The following TOPAZ1 variants were observed in gnomAD, a reference collection of about 807,000 sequenced individuals.
TOPAZ1 encodes the protein testis and ovary specific TOPAZ 1.
In TOPAZ1, 66 loss-of-function variants were observed where a neutral mutation model predicts 172.2. That is an observed-to-expected ratio of 0.38 (90% CI 0.31 to 0.47). The LOEUF is 0.47. Among genes scored for constraint, TOPAZ1 ranks in the 20% least tolerant of loss-of-function variants. The pLI, the probability that TOPAZ1 is intolerant of heterozygous loss-of-function variation, is 0.99. For missense variants in TOPAZ1, 1,822 were observed against 1,972.4 expected (o/e 0.92, Z 1.44); for synonymous variants, 681 against 683.9 (o/e 1.00, Z 0.07).
intron 12 of TOPAZ1, among the ~76,000 whole-genome samples, chr3:44,299,132 A>G (rs1700239431): frequency 6.6e-6 from 1 of 151,038 alleles, no homozygotes; most frequent in South Asian, 2.1e-4. Flanking sequence ...CATGTTGGCC[A>G]GGCTGATCTC....
In TOPAZ1 at chr3:44,321,067, T is replaced by C. The variant is rs1338089605; in HGVS notation, c.4347T>C (p.Asp1449=). Residue 1449 remains aspartate (D), a synonymous_variant, in exon 17 of 20, where the codon GAT becomes GAC. Transcript: ENST00000309765. ...TCAATACGCCTCTGTGGCCTTGTGA[T>C]AGACTGGATGTGCTTAATCGACATA... ...WIINTPLWPC[D]RLDVLNRHNL... 2 of 1,550,102 alleles carry C rather than the reference T, an allele frequency of 1.3e-6. No homozygotes were observed. Among genetic ancestry groups the C allele is most frequent in the Admixed American group, 2.0e-5 (1 of 50,594 alleles).
chr3:44,323,625 GT>G (rs1700566139), intron 18 of TOPAZ1, among the ~76,000 whole-genome samples: 1 of 152,210 alleles, frequency 6.6e-6, no homozygotes, highest in Admixed American at 6.5e-5. Flanking sequence ...AAACAAGTGG[GT>G]AGAATGAAGT....
At chr3:44,249,529 A>T (rs1699605208) in intron 2 of TOPAZ1, among the ~76,000 whole-genome samples, 1 of 152,142 alleles carries the variant, frequency 6.6e-6, no homozygotes, top group Non-Finnish European at 1.5e-5. Flanking sequence ...CAGAGGTAGA[A>T]TCCCTTATGC....
In TOPAZ1 at chr3:44,245,276, G is replaced by C; in HGVS notation, c.2765+5G>C. 2 of 1,519,060 alleles carry C rather than the reference G, an allele frequency of 1.3e-6. No homozygotes were observed. Among genetic ancestry groups the C allele is most frequent in the Non-Finnish European group, 1.8e-6 (2 of 1,134,408 alleles). The allele number at this position is 1,519,060 out of a possible 1,614,324, so 94.1% of individuals were successfully genotyped here. ...AGAACCAAGTGATGACTTAAGGTAT[G>C]CATGTTCAAGTATTCCTTTTAGTGC... On this transcript the variant is annotated splice_donor_5th_base_variant and intron_variant, in intron 2 of 19. Transcript: ENST00000309765.
chr3:44,264,993 CT>C lies in TOPAZ1; in HGVS notation c.3021-2003del, dbSNP rs55990885. Among the ~76,000 whole-genome samples, 586 of 152,342 alleles carry C rather than the reference CT, an allele frequency of 3.8e-3. 2 individuals carry two copies. Among genetic ancestry groups the C allele is most frequent in the South Asian group, 0.013 (63 of 4,828 alleles). ...CTTCCACAACTAAAGTGTTTAACCCCTGAAAGTCATCTATGAGGGTTGGAAT... is the reference window on the plus strand; with the variant it reads ...CTTCCACAACTAAAGTGTTTAACCCCGAAAGTCATCTATGAGGGTTGGAAT... On this transcript the variant is annotated intron_variant, in intron 5 of 19. Transcript: ENST00000309765.
intron 18 of TOPAZ1, among the ~76,000 whole-genome samples, chr3:44,325,922 C>T (rs572525848): frequency 8.5e-5 from 13 of 152,300 alleles, no homozygotes; most frequent in Admixed American, 1.3e-4. Context: ...CGATTACATG[C>T]GTGAGCCACT....
chr3:44,290,120 C>T (rs1025658409), intron 11 of TOPAZ1, among the ~76,000 whole-genome samples: 19 of 114,966 alleles, frequency 1.7e-4, no homozygotes, highest in African/African-American at 7.4e-4. Flanking sequence ...ACTGCCAGCT[C>T]ACAACCTTGT....
intron 2 of TOPAZ1, among the ~76,000 whole-genome samples, chr3:44,252,826 AG>A (rs35847728): frequency 0.48 from 72,431 of 151,800 alleles, 18,145 homozygotes; most frequent in East Asian, 0.8. Flanking sequence ...GGGTCTCCTT[AG>A]CTTGGAATAT....
intron 11 of TOPAZ1, among the ~76,000 whole-genome samples, chr3:44,290,445 G>A (rs1367120621): frequency 1.3e-5 from 2 of 152,110 alleles, no homozygotes; most frequent in Non-Finnish European, 2.9e-5. Flanking sequence ...TACTTCTCAG[G>A]AAGTTTATAA....
At chr3:44,311,734 T>C (rs1239171396) in intron 16 of TOPAZ1, among the ~76,000 whole-genome samples, 1 of 152,166 alleles carries the variant, frequency 6.6e-6, no homozygotes, top group East Asian at 1.9e-4. Context: ...GGCTCTATAG[T>C]GAACAGGCCA....
At chr3:44,284,030 G>A (rs2125691714) in intron 9 of TOPAZ1, among the ~76,000 whole-genome samples, 1 of 152,230 alleles carries the variant, frequency 6.6e-6, no homozygotes, top group South Asian at 2.1e-4. Context: ...GATCAGGTGT[G>A]CATTTAGTTG....
intron 18 of TOPAZ1, among the ~76,000 whole-genome samples, chr3:44,325,720 T>G (rs1404820487): frequency 5.9e-5 from 9 of 151,566 alleles, no homozygotes; most frequent in African/African-American, 2.2e-4. Flanking sequence ...CTCGGCTCAC[T>G]GCAACCTCCA....
At chr3:44,309,719 T>A in intron 15 of TOPAZ1, 106 bp from the exon 16 acceptor site, 1 of 821,292 alleles carries the variant, frequency 1.2e-6, no homozygotes, top group Non-Finnish European at 1.9e-6. Context: ...GCCAGCAGTC[T>A]AGGATGATGA....
intron 12 of TOPAZ1, among the ~76,000 whole-genome samples, chr3:44,301,689 T>G (rs1174177120): frequency 6.6e-6 from 1 of 152,188 alleles, no homozygotes; most frequent in Non-Finnish European, 1.5e-5. Context: ...CTTTTTCCCC[T>G]TTTTCTATTA....
intron 2 of TOPAZ1, among the ~76,000 whole-genome samples, chr3:44,251,935 A>G (rs1047722480): frequency 2.0e-5 from 3 of 152,170 alleles, no homozygotes; most frequent in African/African-American, 7.2e-5. Context: ...AAATATTTGT[A>G]TAAGTTACAA....
At position 44,268,825 on chromosome 3, in the gene TOPAZ1, T is replaced by G. The variant is rs896690248; in HGVS notation, c.3161-391T>G. ...TTAGGGCTTCAACATGTTAATTTTTTGGGGACACAGTTCAGTCCATCGCAC... is the reference window on the plus strand; with the variant it reads ...TTAGGGCTTCAACATGTTAATTTTTGGGGGACACAGTTCAGTCCATCGCAC... On this transcript the variant is annotated intron_variant, in intron 6 of 19. Transcript: ENST00000309765. 5.9e-5 allele frequency among the ~76,000 whole-genome samples: 9 copies of G among 152,196 alleles called. No homozygotes were observed. The East Asian group carries it at 1.5e-3, about 26-fold the overall frequency.
chr3:44,244,427 T>A lies in TOPAZ1; in HGVS notation c.1921T>A (p.Leu641Met). The A allele has an allele frequency of 6.4e-7, 1 of 1,551,362 alleles. No individual in the cohort carries two copies. The highest frequency in any genetic ancestry group is 8.7e-7 in the Non-Finnish European group (1 of 1,146,884). Residue 641 changes from leucine to methionine, a missense_variant, in exon 2 of 20, where the codon TTG becomes ATG. Transcript: ENST00000309765. ...KARGNLTKLNLTATSKDGQEA... is the reference protein window; with the variant it reads ...KARGNLTKLNMTATSKDGQEA... ...TAGAGGAAATTTAACGAAACTTAAT[T>A]TGACAGCGACTTCCAAAGATGGTCA... is the stretch of plus-strand genomic sequence containing the variant.
chr3:44,242,832 A>G, intron 1 of TOPAZ1, 21 bp from the exon 2 acceptor site: 3 of 1,456,878 alleles, frequency 2.1e-6, no homozygotes, highest in Non-Finnish European at 9.0e-7. Flanking sequence ...CTTTTCTGAT[A>G]TATTTTGTTG....
At chr3:44,259,114 C>A (rs184662594) in intron 4 of TOPAZ1, among the ~76,000 whole-genome samples, 2 of 152,270 alleles carry the variant, frequency 1.3e-5, no homozygotes, top group Admixed American at 1.3e-4. Context: ...AAACTCTGTT[C>A]TTCTGGTTGT....
Sources: allele counts gnomAD v4.1 joint callset (sites outside exome capture counted in the v4.1 genomes callset), GRCh38; gene constraint gnomAD v4.1.1; transcripts MANE v1.5; gene names NCBI Gene and HGNC (gene_info 2026-07-23, HGNC 2026-07-21).